The following PAPPA2 variants were observed in gnomAD, a reference collection of about 807,000 sequenced individuals.
The protein encoded by PAPPA2 is pappalysin 2.
PAPPA2 carries 86 observed loss-of-function variants against 176.4 expected under a neutral mutation model. The observed-to-expected ratio is 0.49, with a 90% CI of 0.41 to 0.58. PAPPA2 has a LOEUF of 0.58. Among genes scored for constraint, PAPPA2 ranks in the 20% least tolerant of loss-of-function variants. PAPPA2 has a pLI of 0.00. For missense variants in PAPPA2, 2,073 were observed against 2,256.9 expected, an observed-to-expected ratio of 0.92 and a Z score of 1.65; for synonymous variants, 809 against 852.2, an observed-to-expected ratio of 0.95 and a Z score of 0.88.
chr1:176,789,794 T>G lies in PAPPA2; in HGVS notation c.4716-15T>G. On this transcript the variant is annotated splice_polypyrimidine_tract_variant and intron_variant, in intron 17 of 22. Coordinates refer to ENST00000367662, the MANE Select transcript of PAPPA2 (RefSeq NM_020318.3). The stretch of plus-strand genomic sequence containing the variant: ...AAAGATTCTGATGAGCTATTTTTGT[T>G]TTATGTTTTATCAGCAAGCTCCTGA... 6.2e-7 allele frequency: 1 copy of G among 1,605,864 alleles called. No homozygotes were observed.
intron 14 of PAPPA2, among the ~76,000 whole-genome samples, chr1:176,754,240 T>G (rs1663315693): frequency 1.3e-5 from 2 of 152,184 alleles, no homozygotes; most frequent in East Asian, 3.9e-4. Context: ...GAAACCAGCT[T>G]AGGAAGACTT....
intron 3 of PAPPA2, among the ~76,000 whole-genome samples, chr1:176,662,334 A>G (rs754495107): frequency 3.3e-5 from 5 of 152,178 alleles, no homozygotes; most frequent in Non-Finnish European, 7.3e-5. Context: ...GACTGAATTA[A>G]TTGTGGTCAC....
chr1:176,672,559 T>C (rs1659070006), intron 4 of PAPPA2, among the ~76,000 whole-genome samples: 1 of 151,682 alleles, frequency 6.6e-6, no homozygotes, highest in African/African-American at 2.4e-5. Context: ...AGATGAGCAA[T>C]GTGTTAGCGA....
chr1:176,698,960 T>A (rs1193927040), intron 7 of PAPPA2, 140 bp from the exon 8 acceptor site: 1 of 1,076,566 alleles, frequency 9.3e-7, no homozygotes, highest in Non-Finnish European at 1.3e-6. Flanking sequence ...GTACTTAAGA[T>A]CTAACCTGCT....
At chr1:176,603,129 G>A (rs953810697) in intron 3 of PAPPA2, among the ~76,000 whole-genome samples, 11 of 152,204 alleles carry the variant, frequency 7.2e-5, no homozygotes, top group African/African-American at 2.4e-4. Flanking sequence ...AATTTTTCCA[G>A]AGAGACCCCA....
At chr1:176,589,449 A>AAT (rs1653519489) in intron 2 of PAPPA2, among the ~76,000 whole-genome samples, 3 of 152,228 alleles carry the variant, frequency 2.0e-5, no homozygotes. Context: ...CTCAAAACTC[A>AAT]GATTAAGTAC....
At chr1:176,623,565 TCCTTCCTTCCC>T (rs1255334953) in intron 3 of PAPPA2, among the ~76,000 whole-genome samples, 20 of 82,874 alleles carry the variant, frequency 2.4e-4, no homozygotes, top group African/African-American at 9.8e-4. Flanking sequence ...TCCCCTTCCT[TCCTTCCTTCCC>T]TCCTTCCTTC....
rs767753174 is a variant in PAPPA2, at chr1:176,599,138, G to GGT, written c.1991+3556_1991+3557dup. Among the ~76,000 whole-genome samples, 939 of 149,200 alleles carry GGT rather than the reference G, an allele frequency of 6.3e-3. 16 individuals carry two copies. Among genetic ancestry groups the GGT allele is most frequent in the African/African-American group, 0.021 (852 of 40,560 alleles). ...TCTGATAATTGTGTGTATTTTTATAGGTGTGTGTGTGTGTATATATATATA... is the reference window on the plus strand; with the variant it reads ...TCTGATAATTGTGTGTATTTTTATAGGTGTGTGTGTGTGTGTATATATATATA... On this transcript the variant is annotated intron_variant, in intron 3 of 22. Transcript: ENST00000367662.
At chr1:176,749,998 A>T (rs1204102461) in intron 14 of PAPPA2, among the ~76,000 whole-genome samples, 1 of 152,222 alleles carries the variant, frequency 6.6e-6, no homozygotes, top group Non-Finnish European at 1.5e-5. Flanking sequence ...ATACCAAGGA[A>T]TGTGATTGCT....
intron 3 of PAPPA2, among the ~76,000 whole-genome samples, chr1:176,664,673 T>A (rs1354689701): frequency 2.6e-5 from 4 of 152,212 alleles, no homozygotes; most frequent in Non-Finnish European, 5.9e-5. Context: ...CTTTAAGTCC[T>A]TTCAGTCTCT....
intron 2 of PAPPA2, among the ~76,000 whole-genome samples, chr1:176,561,403 G>A (rs963672781): frequency 6.6e-6 from 1 of 152,160 alleles, no homozygotes; most frequent in African/African-American, 2.4e-5. Flanking sequence ...GGAGCAGCAC[G>A]TTAACCTGCT....
chr1:176,641,560 G>A (rs1422123110), intron 3 of PAPPA2, among the ~76,000 whole-genome samples: 1 of 151,678 alleles, frequency 6.6e-6, no homozygotes, highest in Admixed American at 6.6e-5. Flanking sequence ...TCTCTGTTTT[G>A]GTACCAGTAC....
At chr1:176,658,786 T>C (rs1257546171) in intron 3 of PAPPA2, among the ~76,000 whole-genome samples, 1 of 151,988 alleles carries the variant, frequency 6.6e-6, no homozygotes, top group Non-Finnish European at 1.5e-5. Context: ...ATCTAAGTTC[T>C]TCATTACATA....
intron 9 of PAPPA2, among the ~76,000 whole-genome samples, chr1:176,704,305 C>T (rs1315994112): frequency 1.3e-5 from 2 of 152,196 alleles, no homozygotes; most frequent in Admixed American, 1.3e-4. Flanking sequence ...ACTAGCACTT[C>T]CATCCAATGG....
At chr1:176,755,508 C>A (rs966043379) in intron 14 of PAPPA2, among the ~76,000 whole-genome samples, 3 of 152,214 alleles carry the variant, frequency 2.0e-5, no homozygotes, top group Admixed American at 1.3e-4. Flanking sequence ...ATTTCCCAAG[C>A]TCAGGCTATG....
chr1:176,638,922 GTGTGCA>G (rs1379830070), intron 3 of PAPPA2, among the ~76,000 whole-genome samples: 5 of 148,534 alleles, frequency 3.4e-5, no homozygotes, highest in South Asian at 2.2e-4. Context: ...TGGTGTGTGT[GTGTGCA>G]TGTGCATGTG....
intron 7 of PAPPA2, among the ~76,000 whole-genome samples, chr1:176,697,063 C>T (rs951179884): frequency 6.6e-6 from 1 of 152,088 alleles, no homozygotes; most frequent in East Asian, 1.9e-4. Context: ...GCAGTCTGTC[C>T]TGTGCTGGTG....
intron 2 of PAPPA2, among the ~76,000 whole-genome samples, chr1:176,573,572 G>A (rs1256487211): frequency 6.6e-6 from 1 of 152,164 alleles, no homozygotes; most frequent in Non-Finnish European, 1.5e-5. Flanking sequence ...TACTCAGGAA[G>A]TTTCTCTTTC....
rs1210113749 is a variant in PAPPA2, at chr1:176,845,374, A to G, written c.*2920A>G. 6.6e-6 allele frequency: 1 copy of G among 152,170 alleles called. No homozygotes were observed. The highest frequency in any genetic ancestry group is 1.5e-5 in the Non-Finnish European group (1 of 68,044). The allele number at this position is 152,170 out of a possible 1,614,324, so 9.4% of individuals were successfully genotyped here. ...AAGTAAAGGGATTGTGAAAGTAAAG[A>G]GCTCTTCCTGATTCTCATCTTCTCT... On this transcript the variant is annotated 3_prime_UTR_variant, in exon 23 of 23. Transcript: ENST00000367662.
Sources: allele counts gnomAD v4.1 joint callset (sites outside exome capture counted in the v4.1 genomes callset), GRCh38; gene constraint gnomAD v4.1.1; transcripts MANE v1.5; gene names NCBI Gene and HGNC (gene_info 2026-07-23, HGNC 2026-07-21).